The following GUF1 variants were observed in gnomAD, a reference collection of about 807,000 sequenced individuals.
The protein encoded by GUF1 is translation factor GUF1, mitochondrial.
GUF1 carries 78 observed loss-of-function variants against 82.4 expected under a neutral mutation model. The observed-to-expected ratio is 0.95, with a 90% CI of 0.79 to 1.14. GUF1 has a LOEUF of 1.14. Ranked by LOEUF, GUF1 falls within the 50% of genes most tolerant of loss-of-function variation. The pLI, the probability that GUF1 is intolerant of heterozygous loss-of-function variation, is 0.00. For synonymous variants in GUF1, 279 were observed against 282.3 expected (o/e 0.99, Z 0.12); for missense variants, 814 against 798.2 (o/e 1.02, Z -0.24).
At chr4:44,684,461 T>G (rs1032057199) in intron 6 of GUF1, among the ~76,000 whole-genome samples, 6 of 152,100 alleles carry the variant, frequency 3.9e-5, no homozygotes, top group African/African-American at 1.4e-4. Flanking sequence ...ATGCTGGGAC[T>G]CGTGCTGTGC....
At chr4:44,679,529 T>C (rs1178389416) in intron 1 of GUF1, among the ~76,000 whole-genome samples, 4 of 152,216 alleles carry the variant, frequency 2.6e-5, no homozygotes, top group Non-Finnish European at 4.4e-5. Flanking sequence ...TAAAAATGGA[T>C]TTATATTGCA....
rs200684231 is a variant in GUF1, at chr4:44,688,153, A to G, written c.1078+7A>G. The G allele has an allele frequency of 2.4e-5, 39 of 1,604,874 alleles. No homozygotes were observed. Among genetic ancestry groups the G allele is most frequent in the Admixed American group, 6.9e-5 (4 of 58,352 alleles). ...AAACCAATGGTATTTGCAGGTGAGGAGTTCACAAATTCAAAGGTTGAGGGC... is the reference window on the plus strand; with the variant it reads ...AAACCAATGGTATTTGCAGGTGAGGGGTTCACAAATTCAAAGGTTGAGGGC... On this transcript the variant is annotated splice_region_variant and intron_variant, in intron 9 of 16. Transcript: ENST00000281543.
chr4:44,682,310 T>A, intron 4 of GUF1, 24 bp from the exon 5 acceptor site: 4 of 1,371,090 alleles, frequency 2.9e-6, no homozygotes, highest in Non-Finnish European at 3.9e-6. Context: ...GTCATCTCAG[T>A]ATCTTGTATC....
In GUF1 at chr4:44,698,543, G is replaced by A. The variant is rs200727870; in HGVS notation, c.1873-1G>A. ...TTCCAATGTTTTAAAATATTTTTCAGTATGGTGGTGATATTACCCGAAAAA... is the reference window on the plus strand; with the variant it reads ...TTCCAATGTTTTAAAATATTTTTCAATATGGTGGTGATATTACCCGAAAAA... On this transcript the variant is annotated splice_acceptor_variant, in intron 16 of 16. Transcript: ENST00000281543. LOFTEE classifies it high-confidence loss of function. 95 of 1,585,194 alleles carry A rather than the reference G, an allele frequency of 6.0e-5. No individual in the cohort carries two copies. The highest frequency in any genetic ancestry group is 7.9e-5 in the Non-Finnish European group (93 of 1,170,714).
rs1429284029 is a variant in GUF1, at chr4:44,694,520, T to G, written c.1715+7T>G. 7.1e-7 allele frequency: 1 copy of G among 1,404,244 alleles called. No individual in the cohort carries two copies. The highest frequency in any genetic ancestry group is 1.0e-6 in the Non-Finnish European group (1 of 1,002,886). The allele number at this position is 1,404,244 out of a possible 1,614,324, so 87.0% of individuals were successfully genotyped here. On this transcript the variant is annotated splice_region_variant and intron_variant, in intron 14 of 16. Coordinates refer to ENST00000281543, the MANE Select transcript of GUF1 (RefSeq NM_021927.3). ...TAGTAACTGTTGTACACAAGTAAGT[T>G]CAATAGAAACTAATCATGGAATGTG...
intron 2 of GUF1, 63 bp downstream of exon 2, chr4:44,680,615 T>C: frequency 7.0e-7 from 1 of 1,437,622 alleles, no homozygotes; most frequent in Non-Finnish European, 9.4e-7. Flanking sequence ...ACTTTTACTC[T>C]TAAATTTTAA....
chr4:44,690,605 TTATTAA>T (rs1715371231), intron 11 of GUF1, 106 bp from the exon 12 acceptor site: 2 of 587,022 alleles, frequency 3.4e-6, no homozygotes, highest in Non-Finnish European at 5.9e-6. Flanking sequence ...CTAATACTTG[TTATTAA>T]TATTAAATGA....
rs1715266195 is a variant in GUF1, at chr4:44,689,287, A to C, written c.1080A>C (p.Gly360=). 1 of 1,587,534 alleles carries C rather than the reference A, an allele frequency of 6.3e-7. No homozygotes were observed. Among genetic ancestry groups the C allele is most frequent in the Admixed American group, 1.8e-5 (1 of 57,098 alleles). The change falls in exon 10 of 17, where the codon GGA becomes GGC. Residue 360 remains glycine (G), a splice_region_variant and synonymous_variant. Transcript: ENST00000281543. ...FKSAKPMVFA[G]MYPLDQSEYN... ...AATTAGAAATCATTGTATCCCCAGG[A>C]ATGTATCCTCTAGACCAATCTGAAT...
Position 44,695,840 on chromosome 4 carries a change from A to T in GUF1, c.1835+106A>T, listed in dbSNP as rs922230926. On this transcript the variant is annotated intron_variant, in intron 15 of 16. Transcript: ENST00000281543. ...ATTTAACATTGGCCTAAGCTTTCTT[A>T]CTTGTAGAAACAGTATGATGGTGCT... 4.5e-6 allele frequency: 5 copies of T among 1,103,090 alleles called. No homozygotes were observed. The African/African-American group carries it at 6.3e-5, about 14-fold the overall frequency. The allele number at this position is 1,103,090 out of a possible 1,614,324, so 68.3% of individuals were successfully genotyped here.
rs1716196197 is a variant in GUF1, at chr4:44,700,846, G to A, written c.*2165G>A. ...ATCTTCCCTCCCTCTTCCAGGTTCT[G>A]ATAAAAACAGATGAAATCTGAAAGA... On this transcript the variant is annotated 3_prime_UTR_variant, in exon 17 of 17. Coordinates refer to ENST00000281543, the MANE Select transcript of GUF1 (RefSeq NM_021927.3). 1 of 152,080 alleles carries A rather than the reference G, an allele frequency of 6.6e-6. No homozygotes were observed. The highest frequency in any genetic ancestry group is 2.1e-4 in the South Asian group (1 of 4,832). 9.4% of individuals were successfully genotyped at this position (152,080 alleles called of 1,614,324 possible).
chr4:44,697,506 C>T, intron 16 of GUF1, 62 bp downstream of exon 16: 1 of 810,492 alleles, frequency 1.2e-6, no homozygotes, highest in South Asian at 2.0e-5. Flanking sequence ...TCAAAGGGGG[C>T]ATAAACTTAT....
chr4:44,680,908 C>A, intron 3 of GUF1, 66 bp downstream of exon 3: 1 of 1,380,580 alleles, frequency 7.2e-7, no homozygotes, highest in Non-Finnish European at 1.0e-6. Context: ...GCAAACAGAT[C>A]CTTGTTTAAT....
chr4:44,691,361 C>A (rs1482755455), intron 12 of GUF1, among the ~76,000 whole-genome samples: 1 of 151,706 alleles, frequency 6.6e-6, no homozygotes, highest in Non-Finnish European at 1.5e-5. Context: ...AGATTGTAAT[C>A]TTGGTCTTAA....
At chr4:44,689,694 TA>T in intron 10 of GUF1, 148 bp from the exon 11 acceptor site, 1 of 699,356 alleles carries the variant, frequency 1.4e-6, no homozygotes, top group Non-Finnish European at 2.2e-6. Flanking sequence ...TCTTATTTAA[TA>T]AAATTATGCT....
intron 4 of GUF1, 58 bp downstream of exon 4, chr4:44,681,261 A>G (rs1714759114): frequency 5.6e-6 from 7 of 1,250,912 alleles, no homozygotes; most frequent in Non-Finnish European, 5.8e-6. Context: ...TTGTTTCAAG[A>G]GTTTTTCTTT....
In GUF1 at chr4:44,682,412, G is replaced by T; in HGVS notation, c.585+1G>T. The T allele has an allele frequency of 6.8e-7, 1 of 1,481,378 alleles. No homozygotes were observed. Among genetic ancestry groups the T allele is most frequent in the Non-Finnish European group, 9.0e-7 (1 of 1,105,264 alleles). 91.8% of individuals were successfully genotyped at this position (1,481,378 alleles called of 1,614,324 possible). On this transcript the variant is annotated splice_donor_variant, in intron 5 of 16. Coordinates refer to ENST00000281543, the MANE Select transcript of GUF1 (RefSeq NM_021927.3). LOFTEE classifies it high-confidence loss of function. The stretch of plus-strand genomic sequence containing the variant: ...ATCGGTAATTCCAGTTATAAATAAG[G>T]TAATTACAATGAGACAACAGTGTTG...
chr4:44,698,344 C>G, intron 16 of GUF1, among the ~76,000 whole-genome samples, 200 bp from the exon 17 acceptor site: 1 of 151,986 alleles, frequency 6.6e-6, no homozygotes, highest in East Asian at 1.9e-4. Context: ...CCTTGGGAAT[C>G]TTCACCTCCA....
At chr4:44,681,100 G>A (rs369480755) in intron 3 of GUF1, 23 bp from the exon 4 acceptor site, 9 of 1,575,376 alleles carry the variant, frequency 5.7e-6, no homozygotes, top group Admixed American at 1.7e-5. Flanking sequence ...ACATTTACAG[G>A]TATCAATATT....
chr4:44,694,747 TAAA>T (rs976099377), intron 14 of GUF1, among the ~76,000 whole-genome samples: 1 of 151,802 alleles, frequency 6.6e-6, no homozygotes, highest in Non-Finnish European at 1.5e-5. Context: ...TTCACCATAT[TAAA>T]AAAAGTTTTA....
Sources: allele counts gnomAD v4.1 joint callset (sites outside exome capture counted in the v4.1 genomes callset), GRCh38; gene constraint gnomAD v4.1.1; transcripts MANE v1.5; gene names NCBI Gene and HGNC (gene_info 2026-07-23, HGNC 2026-07-21).